Variants in EPS8 observed in about 807,000 individuals in gnomAD.
The protein encoded by EPS8 is epidermal growth factor receptor kinase substrate 8.
In EPS8, 42 loss-of-function variants were observed where a neutral mutation model predicts 103.8. The observed-to-expected ratio is 0.40, with a 90% CI of 0.32 to 0.52. The LOEUF is 0.52. EPS8 is among the 20% of genes least tolerant of loss of function. The probability of loss-of-function intolerance (pLI) is 0.40; values close to 1 mark genes in which losing one functional copy is unlikely to be tolerated. For synonymous variants in EPS8, 344 were observed against 344.6 expected (o/e 1.00, Z 0.02); for missense variants, 969 against 1,005.1 (o/e 0.96, Z 0.49).
In EPS8 at chr12:15,647,170, C is replaced by A; in HGVS notation, c.1525G>T (p.Ala509Ser). The change falls in exon 15 of 21, where the codon GCT (alanine) becomes TCT (serine). Residue 509 changes from alanine to serine, a missense_variant. Ala to Ser is a moderately conservative substitution (Grantham distance 99). Coordinates refer to ENST00000281172, the MANE Select transcript of EPS8 (RefSeq NM_004447.6). Reference sequence around the variant, plus strand: ...GAAGTTGGCTTAAAAGCAACAGCAGCTTCCCCTTGGTCCAGGTGGGATCCT... The same window carrying A: ...GAAGTTGGCTTAAAAGCAACAGCAGATTCCCCTTGGTCCAGGTGGGATCCT... ...TRGSHLDQGEAAVAFKPTSNR... is the reference protein window; with the variant it reads ...TRGSHLDQGESAVAFKPTSNR... 1.2e-6 allele frequency: 2 copies of A among 1,614,048 alleles called. No homozygotes were observed. Among genetic ancestry groups the A allele is most frequent in the Middle Eastern group, 3.3e-4 (2 of 6,062 alleles).
intron 1 of EPS8, among the ~76,000 whole-genome samples, chr12:15,783,204 A>G (rs1947277227): frequency 2.6e-5 from 4 of 152,218 alleles, no homozygotes; most frequent in Admixed American, 6.5e-5. Context: ...TACAATATCA[A>G]TAAGTACAAT....
intron 1 of EPS8, among the ~76,000 whole-genome samples, chr12:15,740,886 C>T (rs1041207205): frequency 1.3e-5 from 2 of 152,138 alleles, no homozygotes; most frequent in Non-Finnish European, 2.9e-5. Flanking sequence ...AGTACATCTA[C>T]GTGGATTGGT....
At position 15,670,881 on chromosome 12, in the gene EPS8, G is replaced by A; in HGVS notation, c.179C>T (p.Ser60Leu). ...TTCAACACGGTATTGAGATATATCT[G>A]ACACACTGCTGACACTGTCCCGTGC... ...NYARDSVSSV[S>L]DISQYRVEHL... Residue 60 changes from serine to leucine, a missense_variant, in exon 4 of 21, where the codon TCA (serine) becomes TTA (leucine). By Grantham distance (145) the Ser-to-Leu change is moderately radical (BLOSUM62 -2). Coordinates refer to ENST00000281172, the MANE Select transcript of EPS8 (RefSeq NM_004447.6). 1.2e-6 allele frequency: 2 copies of A among 1,612,148 alleles called. No individual in the cohort carries two copies. The highest frequency in any genetic ancestry group is 2.2e-5 in the South Asian group (2 of 90,902).
rs1947205887 is a variant in EPS8 at position 15,776,284 on chromosome 12, A to G, written c.-22+12877T>C. Among the ~76,000 whole-genome samples the G allele has an allele frequency of 6.6e-6, 1 of 152,210 alleles. No homozygotes were observed. The highest frequency in any genetic ancestry group is 2.1e-4 in the South Asian group (1 of 4,836). ...AAATGTAATTTTGGGGGGAAATAAT[A>G]CACTTCTGGCTGAACTAGTTTATCT... On this transcript the variant is annotated intron_variant, in intron 1 of 20. Transcript: ENST00000281172. This position sits in a 1 kb window ranked among gnomAD's most constrained non-coding sequence, Gnocchi z 4.2.
At chr12:15,621,609 T>G (rs1944863586) in intron 20 of EPS8, among the ~76,000 whole-genome samples, 179 bp from the exon 21 acceptor site, 1 of 152,166 alleles carries the variant, frequency 6.6e-6, no homozygotes, top group Non-Finnish European at 1.5e-5. Context: ...ACATTAATAA[T>G]TTTTCATTTT....
At chr12:15,707,147 C>T (rs1038306226) in intron 1 of EPS8, among the ~76,000 whole-genome samples, 4 of 152,150 alleles carry the variant, frequency 2.6e-5, no homozygotes, top group African/African-American at 9.7e-5. Context: ...AGTACCTAAT[C>T]CAATTTCCTA....
chr12:15,707,828 T>C (rs1024138979), intron 1 of EPS8, among the ~76,000 whole-genome samples: 11 of 152,184 alleles, frequency 7.2e-5, no homozygotes, highest in African/African-American at 2.7e-4. Context: ...TGAAGTACTA[T>C]TATAACTCAC....
intron 19 of EPS8, among the ~76,000 whole-genome samples, chr12:15,623,794 T>C (rs1944899434): frequency 6.6e-6 from 1 of 152,240 alleles, no homozygotes; most frequent in East Asian, 1.9e-4. Context: ...ATTAAGATTA[T>C]AATTGATGCT....
rs1946493184 is a variant in EPS8, at chr12:15,713,413, A to C, written c.-21-30441T>G. On this transcript the variant is annotated intron_variant, in intron 1 of 20. Transcript: ENST00000281172. The surrounding 1 kb of genome is among the most constrained non-coding windows in gnomAD (Gnocchi z 4.8). ...AATTCCCTGATGCTAAACCAAAGCCAGAACTGATGGCCAAAATAGTAAGCA... is the reference window on the plus strand; with the variant it reads ...AATTCCCTGATGCTAAACCAAAGCCCGAACTGATGGCCAAAATAGTAAGCA... 6.6e-6 allele frequency: 1 copy of C among 152,282 alleles called. No individual in the cohort carries two copies. Among genetic ancestry groups the C allele is most frequent in the African/African-American group, 2.4e-5 (1 of 41,472 alleles). 9.4% of individuals were successfully genotyped at this position (152,282 alleles called of 1,614,324 possible). A position where few individuals can be genotyped will look rare whatever the true frequency, so the allele number is the denominator to read the frequency against.
intron 1 of EPS8, among the ~76,000 whole-genome samples, chr12:15,750,468 A>G (rs577894239): frequency 2.6e-4 from 39 of 152,176 alleles, no homozygotes; most frequent in Admixed American, 1.2e-3. Flanking sequence ...GATAGGTTTC[A>G]TTTTCCAGAA....
At chr12:15,661,454 G>A (rs1945603653) in intron 9 of EPS8, among the ~76,000 whole-genome samples, 1 of 151,832 alleles carries the variant, frequency 6.6e-6, no homozygotes, top group African/African-American at 2.4e-5. Flanking sequence ...ACATGTATAT[G>A]GTATAAAAAG....
intron 1 of EPS8, among the ~76,000 whole-genome samples, chr12:15,685,588 A>C (rs1307926438): frequency 6.6e-6 from 1 of 152,222 alleles, no homozygotes; most frequent in African/African-American, 2.4e-5. Flanking sequence ...TGTTAGAATA[A>C]GAGAACATTA....
intron 20 of EPS8, among the ~76,000 whole-genome samples, 161 bp from the exon 21 acceptor site, chr12:15,621,591 A>G (rs1033144033): frequency 2.6e-5 from 4 of 152,192 alleles, no homozygotes; most frequent in African/African-American, 9.7e-5. Context: ...GCACTTCACT[A>G]ATATATCACA....
chr12:15,766,359 G>A (rs1228733225), intron 1 of EPS8, among the ~76,000 whole-genome samples: 1 of 151,808 alleles, frequency 6.6e-6, no homozygotes, highest in Non-Finnish European at 1.5e-5. Flanking sequence ...TGGGCCTGGT[G>A]GTGGGCACCT....
intron 1 of EPS8, among the ~76,000 whole-genome samples, chr12:15,708,227 C>A (rs1946414511): frequency 6.6e-6 from 1 of 152,152 alleles, no homozygotes; most frequent in African/African-American, 2.4e-5. Context: ...TGACCATGGG[C>A]AAGTTAATTA....
chr12:15,732,021 G>A (rs1009391104), intron 1 of EPS8, among the ~76,000 whole-genome samples: 1 of 152,062 alleles, frequency 6.6e-6, no homozygotes, highest in South Asian at 2.1e-4. Context: ...TTAAATAACT[G>A]CCTACTCCTG....
Position 15,658,105 on chromosome 12 carries a change from G to T in EPS8, c.1075C>A (p.His359Asn). The T allele has an allele frequency of 1.9e-6, 3 of 1,609,210 alleles. No homozygotes were observed. Among genetic ancestry groups the T allele is most frequent in the Non-Finnish European group, 2.6e-6 (3 of 1,176,426 alleles). ...ATATTTAATGGAGTAAACAAAAAGTGAACCAAATCTGCAGCACTAGGATTC... is the reference window on the plus strand; with the variant it reads ...ATATTTAATGGAGTAAACAAAAAGTTAACCAAATCTGCAGCACTAGGATTC... ...IQNPSAADLV[H>N]FLFTPLNMVV... The change falls in exon 12 of 21, where the codon CAC becomes AAC. Residue 359 changes from histidine to asparagine, a missense_variant. By Grantham distance (68) the His-to-Asn change is moderately conservative. Transcript: ENST00000281172.
intron 17 of EPS8, among the ~76,000 whole-genome samples, chr12:15,640,061 C>T (rs917990570): frequency 3.3e-5 from 5 of 152,146 alleles, no homozygotes; most frequent in African/African-American, 1.2e-4. Flanking sequence ...ATGAGCTGAC[C>T]AGGGTCACTG....
intron 1 of EPS8, among the ~76,000 whole-genome samples, chr12:15,703,134 C>T (rs745719394): frequency 3.3e-5 from 5 of 152,012 alleles, no homozygotes; most frequent in Admixed American, 2.0e-4. Flanking sequence ...GGTGATGGAG[C>T]GAGACTCCGT....
Sources: allele counts gnomAD v4.1 joint callset (sites outside exome capture counted in the v4.1 genomes callset), GRCh38; gene constraint gnomAD v4.1.1; non-coding constraint Gnocchi (gnomAD v3.1); transcripts MANE v1.5; gene names NCBI Gene and HGNC (gene_info 2026-07-23, HGNC 2026-07-21).